The following HPSE variants were observed in gnomAD, a reference collection of about 807,000 sequenced individuals.
HPSE encodes heparanase.
In HPSE, 48 loss-of-function variants were observed where a neutral mutation model predicts 65.1. The ratio of observed to expected loss-of-function variants is 0.74; its 90% CI spans 0.58 to 0.94. HPSE has a LOEUF of 0.94. Among genes scored for constraint, HPSE ranks in the 40% least tolerant of loss-of-function variants. The pLI is 0.00. For missense variants in HPSE, 644 were observed against 637.5 expected (o/e 1.01, Z -0.11); for synonymous variants, 243 against 260.0 (o/e 0.93, Z 0.63).
Position 83,326,480 on chromosome 4 carries a change from A to G in HPSE, c.228-4116T>C, listed in dbSNP as rs1223847773. The stretch of plus-strand genomic sequence containing the variant: ...AGGTGATAGACTGAAGATGGGGAGG[A>G]ACAGGGAGGAGAAGGGGCACTAAGT... On this transcript the variant is annotated intron_variant, in intron 1 of 11. Transcript: ENST00000311412. This position sits in a 1 kb window ranked among gnomAD's most constrained non-coding sequence, Gnocchi z 4.2. Among the ~76,000 whole-genome samples, 1 of 152,186 alleles carries G rather than the reference A, an allele frequency of 6.6e-6. No homozygotes were observed. Among genetic ancestry groups the G allele is most frequent in the Non-Finnish European group, 1.5e-5 (1 of 68,034 alleles).
chr4:83,319,215 A>G, intron 3 of HPSE, 129 bp downstream of exon 3: 1 of 936,380 alleles, frequency 1.1e-6, no homozygotes, highest in Non-Finnish European at 1.6e-6. Flanking sequence ...AGGATTTCCC[A>G]TTTGGGAAAT....
rs1237880311 is a variant in HPSE at position 83,319,399 on chromosome 4, C to T, written c.444G>A (p.Glu148=). The change falls in exon 3 of 12, where the codon GAG becomes GAA. Residue 148 remains glutamate, a synonymous_variant. Transcript: ENST00000311412. ...GGTAGTGTTCTCGGAGTAGCAATTGCTCCTGGTAGGGCCATTCCAACCGTA... is the reference window on the plus strand; with the variant it reads ...GGTAGTGTTCTCGGAGTAGCAATTGTTCCTGGTAGGGCCATTCCAACCGTA... ...EKLRLEWPYQ[E]QLLLREHYQK... is the part of the protein sequence containing the mutation. 3.1e-6 allele frequency: 5 copies of T among 1,613,844 alleles called. No individual in the cohort carries two copies. The highest frequency in any genetic ancestry group is 4.2e-6 in the Non-Finnish European group (5 of 1,179,920).
At position 83,295,522 on chromosome 4, in the gene HPSE, C is replaced by T; in HGVS notation, c.1473-19G>A. On this transcript the variant is annotated intron_variant, in intron 11 of 11. Coordinates refer to ENST00000311412, the MANE Select transcript of HPSE (RefSeq NM_001098540.3). ...GACAGATCTGCAAAGGAGAAAGATACACCGAGTTAACCAAGTGGTGCATGC... is the reference window on the plus strand; with the variant it reads ...GACAGATCTGCAAAGGAGAAAGATATACCGAGTTAACCAAGTGGTGCATGC... The T allele has an allele frequency of 6.5e-7, 1 of 1,546,448 alleles. No homozygotes were observed. Among genetic ancestry groups the T allele is most frequent in the Non-Finnish European group, 8.8e-7 (1 of 1,138,792 alleles).
Position 83,308,893 on chromosome 4 carries a change from T to A in HPSE, c.1043A>T (p.Tyr348Phe). 1 of 1,614,190 alleles carries A rather than the reference T, an allele frequency of 6.2e-7. No homozygotes were observed. Among genetic ancestry groups the A allele is most frequent in the Non-Finnish European group, 8.5e-7 (1 of 1,180,010 alleles). Residue 348 changes from tyrosine to phenylalanine, a missense_variant, in exon 8 of 12, where the codon TAT (tyrosine) becomes TTT (phenylalanine). Transcript: ENST00000311412. Reference protein sequence around the residue: ...KVWLGETSSAYGGGAPLLSDT... With the variant: ...KVWLGETSSAFGGGAPLLSDT... ...GGATAGCAAGGGCGCTCCGCCTCCA[T>A]ATGCAGAGCTTGTTTCTCCTAACCA...
intron 4 of HPSE, 82 bp downstream of exon 4, chr4:83,313,032 A>AG: frequency 9.7e-7 from 1 of 1,028,628 alleles, no homozygotes; most frequent in East Asian, 2.6e-5. Flanking sequence ...AAAAAAAAAA[A>AG]AAAAAAAAAG....
chr4:83,306,282 C>G lies in HPSE; in HGVS notation c.1127G>C (p.Gly376Ala). The change falls in exon 9 of 12, where the codon GGA (glycine) becomes GCA (alanine). Residue 376 changes from glycine (G) to alanine (A), a missense_variant. Coordinates refer to ENST00000311412, the MANE Select transcript of HPSE (RefSeq NM_001098540.3). ...TACTTGCCTCATCACCACTTCTATT[C>G]CCATTCGGGCTGACAGGCCCAATTT... The part of the protein sequence containing the change: ...LDKLGLSARM[G>A]IEVVMRQVFF... 1.9e-6 allele frequency: 3 copies of G among 1,613,658 alleles called. No individual in the cohort carries two copies. Among genetic ancestry groups the G allele is most frequent in the Non-Finnish European group, 2.5e-6 (3 of 1,179,548 alleles).
In HPSE at chr4:83,309,513, T is replaced by A. The variant is rs1192040405; in HGVS notation, c.891-18A>T. 7.7e-7 allele frequency: 1 copy of A among 1,291,424 alleles called. No individual in the cohort carries two copies. Among genetic ancestry groups the A allele is most frequent in the Admixed American group, 1.9e-5 (1 of 51,786 alleles). 80.0% of individuals were successfully genotyped at this position (1,291,424 alleles called of 1,614,324 possible). A position where few individuals can be genotyped will look rare whatever the true frequency, so the allele number is the denominator to read the frequency against. ...AATAGTAGCTAAATTACACAGAAAATATTCAGAAAAAAAATAACAAATTTT... is the reference window on the plus strand; with the variant it reads ...AATAGTAGCTAAATTACACAGAAAAAATTCAGAAAAAAAATAACAAATTTT... On this transcript the variant is annotated intron_variant, in intron 6 of 11. Coordinates refer to ENST00000311412, the MANE Select transcript of HPSE (RefSeq NM_001098540.3).
Position 83,310,882 on chromosome 4 carries a change from T to G in HPSE, c.682A>C (p.Ser228Arg). 6.2e-7 allele frequency: 1 copy of G among 1,611,938 alleles called. No homozygotes were observed. The highest frequency in any genetic ancestry group is 1.1e-5 in the South Asian group (1 of 90,916). ...AAAATATCAGCCTTCTTAAGGAAAC[T>G]GTTAGGTTCTGAAAGACAGCAATTC... ...ISWELGNEPN[S>R]FLKKADIFIN... is the part of the protein sequence containing the mutation. The change falls in exon 5 of 12, where the codon AGT (serine) becomes CGT (arginine). Residue 228 changes from serine (S) to arginine (R), a missense_variant. Physicochemically the swap from Ser to Arg is moderately radical, Grantham distance 110 (BLOSUM62 -1). Transcript: ENST00000311412.
At chr4:83,306,641 T>G (rs1455040219) in intron 8 of HPSE, among the ~76,000 whole-genome samples, 1 of 152,168 alleles carries the variant, frequency 6.6e-6, no homozygotes, top group Non-Finnish European at 1.5e-5. Flanking sequence ...CTTCTAACCT[T>G]TAAGCTGTCC....
chr4:83,319,313 G>C, intron 3 of HPSE, 31 bp downstream of exon 3: 3 of 1,610,910 alleles, frequency 1.9e-6, no homozygotes, highest in South Asian at 1.1e-5. Flanking sequence ...TTTGGGGCTG[G>C]AACATCTCTA....
At chr4:83,313,536 G>A (rs1460315273) in intron 3 of HPSE, among the ~76,000 whole-genome samples, 1 of 152,148 alleles carries the variant, frequency 6.6e-6, no homozygotes, top group Non-Finnish European at 1.5e-5. Context: ...TGACACTTAG[G>A]TTTTGTTCAA....
intron 3 of HPSE, among the ~76,000 whole-genome samples, chr4:83,318,762 A>G (rs891319422): frequency 1.3e-5 from 2 of 151,356 alleles, no homozygotes; most frequent in Non-Finnish European, 2.9e-5. Flanking sequence ...TTAAAGCCCC[A>G]TGTGACAATG....
In HPSE at chr4:83,319,329, C is replaced by A. The variant is rs369167362; in HGVS notation, c.499+15G>T. Reference sequence around the variant, plus strand: ...TTGGGGCTGGAACATCTCTAGGGTGCCTTTCATTTCTTACTTGAGTAGGTG... The same window carrying A: ...TTGGGGCTGGAACATCTCTAGGGTGACTTTCATTTCTTACTTGAGTAGGTG... On this transcript the variant is annotated intron_variant, in intron 3 of 11. Coordinates refer to ENST00000311412, the MANE Select transcript of HPSE (RefSeq NM_001098540.3). 22 of 1,613,082 alleles carry A rather than the reference C, an allele frequency of 1.4e-5. No individual in the cohort carries two copies. The highest frequency in any genetic ancestry group is 1.9e-5 in the Non-Finnish European group (22 of 1,179,490).
At chr4:83,329,077 G>A (rs1737263164) in intron 1 of HPSE, among the ~76,000 whole-genome samples, 1 of 152,114 alleles carries the variant, frequency 6.6e-6, no homozygotes. Context: ...AGTAGAGAAT[G>A]TGAAAGGCAG....
At chr4:83,334,954 C>T (rs943465120), upstream of HPSE, 21 of 1,044,488 alleles carry the variant, frequency 2.0e-5, no homozygotes, top group Non-Finnish European at 2.7e-5. Flanking sequence ...TTCTGCATCC[C>T]TCCCACTGCT....
rs70949703 is a variant in HPSE at position 83,325,130 on chromosome 4, G to GGTGTGTGT, written c.228-2774_228-2767dup. Among the ~76,000 whole-genome samples, 402 of 134,252 alleles carry GGTGTGTGT rather than the reference G, an allele frequency of 3.0e-3. 2 individuals are homozygous for GGTGTGTGT. The highest frequency in any genetic ancestry group is 6.4e-3 in the East Asian group (28 of 4,360). 88.1% of individuals were successfully genotyped at this position (134,252 alleles called of 152,430 possible). The stretch of plus-strand genomic sequence containing the variant: ...CGTTATATTTTAAATTATACAACTT[G>GGTGTGTGT]GTGTGTGTGTGTGTGTGTGTGTGTG... On this transcript the variant is annotated intron_variant, in intron 1 of 11. Coordinates refer to ENST00000311412, the MANE Select transcript of HPSE (RefSeq NM_001098540.3).
intron 11 of HPSE, among the ~76,000 whole-genome samples, chr4:83,299,558 T>C (rs902570399): frequency 1.3e-5 from 2 of 151,886 alleles, no homozygotes. Context: ...GTGTAAATAA[T>C]GTTTGTCTGT....
intron 1 of HPSE, among the ~76,000 whole-genome samples, chr4:83,329,311 G>A (rs374457756): frequency 3.3e-5 from 5 of 152,082 alleles, no homozygotes; most frequent in Non-Finnish European, 1.5e-5. Context: ...CCATTTCCAG[G>A]TTTTTGGGCC....
intron 2 of HPSE, among the ~76,000 whole-genome samples, chr4:83,321,677 A>T (rs1020973592): frequency 6.6e-6 from 1 of 152,186 alleles, no homozygotes; most frequent in Non-Finnish European, 1.5e-5. Flanking sequence ...AAGACAGGAC[A>T]AATTTTCATG....
Sources: gnomAD v4.1 joint callset for allele counts (sites outside exome capture counted in the v4.1 genomes callset) on GRCh38, gnomAD v4.1.1 for gene constraint, Gnocchi (gnomAD v3.1) non-coding constraint, MANE v1.5 for transcripts, NCBI Gene and HGNC (gene_info 2026-07-23, HGNC 2026-07-21) for gene names.